Variants in TSHZ2 observed in about 807,000 individuals in gnomAD.
TSHZ2 encodes teashirt zinc finger homeobox 2.
TSHZ2 carries 21 observed loss-of-function variants against 74.4 expected under a neutral mutation model. That is an observed-to-expected ratio of 0.28 (90% CI 0.20 to 0.41). The LOEUF is 0.41. TSHZ2 is among the 10% of genes least tolerant of loss of function. The pLI is 1.00. For synonymous variants in TSHZ2, 540 were observed against 515.3 expected (o/e 1.05, Z -0.65); for missense variants, 1,244 against 1,293.5 (o/e 0.96, Z 0.59).
chr20:53,484,548 G>T (rs1244793608), intron 2 of TSHZ2, among the ~76,000 whole-genome samples: 2 of 151,820 alleles, frequency 1.3e-5, no homozygotes, highest in Non-Finnish European at 1.5e-5. Flanking sequence ...ACCATGCCCA[G>T]CTAATTTTTG....
At chr20:53,342,619 G>A (rs1000838023) in intron 2 of TSHZ2, among the ~76,000 whole-genome samples, 10 of 152,094 alleles carry the variant, frequency 6.6e-5, no homozygotes, top group Admixed American at 4.6e-4. Flanking sequence ...GCACAGCACT[G>A]TAGACACTCA....
intron 1 of TSHZ2, among the ~76,000 whole-genome samples, chr20:53,041,828 A>T (rs1164175400): frequency 6.6e-6 from 1 of 152,210 alleles, no homozygotes; most frequent in African/African-American, 2.4e-5. Context: ...TTAAAACAGG[A>T]TCGAGATGAT....
In TSHZ2 at chr20:53,001,222, G is replaced by GTGTGTGTGTGTGTATA. The variant is rs1555813596; in HGVS notation, c.40+27902_40+27903insATATGTGTGTGTGTGT. On this transcript the variant is annotated intron_variant, in intron 1 of 2. Transcript: ENST00000371497. The stretch of plus-strand genomic sequence containing the variant: ...TTCATGTGCGTGTGTGTGTGTGTGT[G>GTGTGTGTGTGTGTATA]TGTGTGTGTGTGTGTGTGTGTGTGT... 4.1e-4 allele frequency among the ~76,000 whole-genome samples: 61 copies of GTGTGTGTGTGTGTATA among 147,380 alleles called. 1 individual carries two copies. Among genetic ancestry groups the GTGTGTGTGTGTGTATA allele is most frequent in the African/African-American group, 1.4e-3 (57 of 39,416 alleles).
intron 2 of TSHZ2, among the ~76,000 whole-genome samples, chr20:53,273,938 A>T (rs1030321414): frequency 3.9e-5 from 6 of 152,188 alleles, no homozygotes; most frequent in African/African-American, 1.4e-4. Flanking sequence ...CGGACTCCCA[A>T]GCATGCCATC....
Position 53,466,659 on chromosome 20 carries a change from A to G in TSHZ2, c.*9-20485A>G, listed in dbSNP as rs116239248. On this transcript the variant is annotated intron_variant, in intron 2 of 2. Transcript: ENST00000371497. ...TTCTCTCTTCTATGGCCATACCCCA[A>G]AAGCAACCATATATGACAATTGTCA... Among the ~76,000 whole-genome samples, 1,115 of 152,328 alleles carry G rather than the reference A, an allele frequency of 7.3e-3. 13 individuals are homozygous for G. Among genetic ancestry groups the G allele is most frequent in the African/African-American group, 0.025 (1,048 of 41,564 alleles).
At chr20:53,478,061 G>A (rs1333043320) in intron 2 of TSHZ2, among the ~76,000 whole-genome samples, 1 of 142,352 alleles carries the variant, frequency 7.0e-6, no homozygotes, top group African/African-American at 2.7e-5. Flanking sequence ...TACACTGTTG[G>A]TGGGACTGTA....
At chr20:53,352,882 A>G (rs1225176680) in intron 2 of TSHZ2, among the ~76,000 whole-genome samples, 1 of 152,082 alleles carries the variant, frequency 6.6e-6, no homozygotes, top group Non-Finnish European at 1.5e-5. Context: ...GTATTAGTAA[A>G]AATTGACTCA....
chr20:53,131,225 TC>T (rs113316842), intron 1 of TSHZ2, among the ~76,000 whole-genome samples: 1,554 of 152,326 alleles, frequency 0.01, 18 homozygotes, highest in African/African-American at 0.034. Context: ...GCATGTGTGC[TC>T]CCCTCCATAT....
At chr20:53,380,308 A>G (rs1348343405) in intron 2 of TSHZ2, among the ~76,000 whole-genome samples, 4 of 152,254 alleles carry the variant, frequency 2.6e-5, no homozygotes, top group African/African-American at 9.6e-5. Context: ...TTCTTATTTT[A>G]GCAGTTACAG....
chr20:53,058,655 A>T (rs1011649316), intron 1 of TSHZ2, among the ~76,000 whole-genome samples: 1 of 152,252 alleles, frequency 6.6e-6, no homozygotes, highest in Non-Finnish European at 1.5e-5. Flanking sequence ...AGCCCCAAGT[A>T]CATAGCAGAT....
At chr20:53,065,637 A>G (rs1468876950) in intron 1 of TSHZ2, among the ~76,000 whole-genome samples, 1 of 152,180 alleles carries the variant, frequency 6.6e-6, no homozygotes, top group East Asian at 1.9e-4. Context: ...TACCACTTAA[A>G]GTGCATTCCC....
intron 2 of TSHZ2, among the ~76,000 whole-genome samples, chr20:53,405,889 C>G (rs1982834573): frequency 6.6e-6 from 1 of 152,068 alleles, no homozygotes; most frequent in African/African-American, 2.4e-5. Flanking sequence ...CCCAGCTACT[C>G]TGGAGGCTGA....
At chr20:53,360,612 CAGTT>C (rs1227443303) in intron 2 of TSHZ2, among the ~76,000 whole-genome samples, 2 of 152,304 alleles carry the variant, frequency 1.3e-5, no homozygotes, top group East Asian at 1.9e-4. Context: ...AATAACATCA[CAGTT>C]AGACAGTCTT....
intron 2 of TSHZ2, among the ~76,000 whole-genome samples, chr20:53,359,377 T>C (rs1199101062): frequency 1.3e-5 from 2 of 152,198 alleles, no homozygotes; most frequent in African/African-American, 4.8e-5. Flanking sequence ...AAGAGAGTAA[T>C]ACATGCCTAC....
At chr20:53,476,384 T>C (rs1202862514) in intron 2 of TSHZ2, among the ~76,000 whole-genome samples, 1 of 151,520 alleles carries the variant, frequency 6.6e-6, no homozygotes, top group Non-Finnish European at 1.5e-5. Context: ...TAATCCAGCA[T>C]ATAAACAGAG....
At chr20:53,035,648 C>T (rs981727845) in intron 1 of TSHZ2, among the ~76,000 whole-genome samples, 1 of 152,136 alleles carries the variant, frequency 6.6e-6, no homozygotes, top group Non-Finnish European at 1.5e-5. Flanking sequence ...ATATATGTCG[C>T]TCCAAGCTGG....
At chr20:53,450,843 C>CGGG (rs1984750141) in intron 2 of TSHZ2, among the ~76,000 whole-genome samples, 1 of 152,094 alleles carries the variant, frequency 6.6e-6, no homozygotes, top group African/African-American at 2.4e-5. Context: ...CTTTCTAGTA[C>CGGG]CTATGCAGGC....
chr20:53,331,953 GAGGGA>G (rs945103109), intron 2 of TSHZ2, among the ~76,000 whole-genome samples: 1 of 152,152 alleles, frequency 6.6e-6, no homozygotes, highest in Non-Finnish European at 1.5e-5. Context: ...GAACAAGCTT[GAGGGA>G]AGTGTGCAGG....
intron 1 of TSHZ2, among the ~76,000 whole-genome samples, chr20:53,237,344 C>A (rs1481527834): frequency 6.6e-6 from 1 of 152,192 alleles, no homozygotes; most frequent in African/African-American, 2.4e-5. Context: ...TCACACACAA[C>A]TGAGTGATGG....
Sources: gnomAD v4.1 joint callset for allele counts (sites outside exome capture counted in the v4.1 genomes callset) on GRCh38, gnomAD v4.1.1 for gene constraint, MANE v1.5 for transcripts, NCBI Gene and HGNC (gene_info 2026-07-23, HGNC 2026-07-21) for gene names.